NETO1: variants seen among roughly 807,000 people sequenced by gnomAD.
NETO1 encodes the protein neuropilin and tolloid like 1.
NETO1 carries 26 observed loss-of-function variants against 61.3 expected under a neutral mutation model. That is an observed-to-expected ratio of 0.42 (90% confidence interval 0.31 to 0.59). The LOEUF is 0.59. Among genes scored for constraint, NETO1 ranks in the 20% least tolerant of loss-of-function variants. The pLI is 0.12. For missense variants in NETO1, 531 were observed against 662.8 expected (o/e 0.80, Z 2.18); for synonymous variants, 225 against 225.8 (o/e 1.00, Z 0.03).
intron 7 of NETO1, among the ~76,000 whole-genome samples, chr18:72,774,632 C>T (rs1046931267): frequency 1.3e-5 from 2 of 152,040 alleles, no homozygotes; most frequent in Non-Finnish European, 2.9e-5. Context: ...AATTCTTTAT[C>T]GCAAATATGT....
intron 6 of NETO1, among the ~76,000 whole-genome samples, chr18:72,787,232 A>C (rs1598995567): frequency 6.6e-6 from 1 of 151,434 alleles, no homozygotes; most frequent in South Asian, 2.1e-4. Flanking sequence ...CAACAAGTTA[A>C]TCAGCTCTCA....
intron 4 of NETO1, among the ~76,000 whole-genome samples, chr18:72,803,872 C>A (rs1215689901): frequency 5.3e-5 from 8 of 151,654 alleles, no homozygotes; most frequent in Admixed American, 5.3e-4. Flanking sequence ...ACATATATAT[C>A]TCTGTTAGAC....
intron 9 of NETO1, among the ~76,000 whole-genome samples, chr18:72,749,821 G>A (rs1236231158): frequency 6.6e-6 from 1 of 151,820 alleles, no homozygotes; most frequent in Non-Finnish European, 1.5e-5. Context: ...AATAAATAAA[G>A]TATCTTTGGT....
rs1175964722 is a variant in NETO1 at position 72,746,164 on chromosome 18, T to A, written c.*2015A>T. ...TTCACCTAACTTATTTCACTATTTTTATTGCTGTTACAAATAAAAAATCTT... is the reference window on the plus strand; with the variant it reads ...TTCACCTAACTTATTTCACTATTTTAATTGCTGTTACAAATAAAAAATCTT... On this transcript the variant is annotated 3_prime_UTR_variant, in exon 11 of 11. Coordinates refer to ENST00000327305, the MANE Select transcript of NETO1 (RefSeq NM_138966.5). 6.6e-6 allele frequency among the ~76,000 whole-genome samples: 1 copy of A among 152,208 alleles called. No individual in the cohort carries two copies. The highest frequency in any genetic ancestry group is 1.5e-5 in the Non-Finnish European group (1 of 68,038).
intron 4 of NETO1, among the ~76,000 whole-genome samples, chr18:72,813,473 G>A (rs1367788731): frequency 1.3e-5 from 2 of 152,118 alleles, no homozygotes; most frequent in Non-Finnish European, 1.5e-5. Flanking sequence ...GAGAAGAAAT[G>A]AATCTTGAAA....
chr18:72,796,812 G>A (rs952522579), intron 4 of NETO1, among the ~76,000 whole-genome samples: 5 of 152,028 alleles, frequency 3.3e-5, no homozygotes, highest in South Asian at 2.1e-4. Context: ...AAAAAAAACT[G>A]TAAGCAATCT....
intron 5 of NETO1, 21 bp from the exon 6 acceptor site, chr18:72,794,265 C>G (rs756471367): frequency 2.5e-6 from 4 of 1,613,966 alleles, no homozygotes; most frequent in Non-Finnish European, 3.4e-6. Context: ...AAATGCCAAA[C>G]AAACACACAA....
chr18:72,806,050 G>C (rs542941801), intron 4 of NETO1, among the ~76,000 whole-genome samples: 1 of 152,246 alleles, frequency 6.6e-6, no homozygotes, highest in South Asian at 2.1e-4. Flanking sequence ...CAGGAAACAA[G>C]TATTTGTGTA....
rs1172565808 is a variant in NETO1, at chr18:72,858,948, C to T, written c.347G>A (p.Arg116His). The T allele has an allele frequency of 4.3e-6, 7 of 1,613,790 alleles. No individual in the cohort carries two copies. The highest frequency in any genetic ancestry group is 2.2e-5 in the South Asian group (2 of 91,070). Residue 116 changes from arginine (R) to histidine (H), a missense_variant, in exon 4 of 11, where the codon CGT becomes CAT. By Grantham distance (29) the Arg-to-His change is conservative (BLOSUM62 0). Coordinates refer to ENST00000327305, the MANE Select transcript of NETO1 (RefSeq NM_138966.5). Reference sequence around the variant, plus strand: ...AGGTGGATTTTGTTGTCCACAGAAACGTCCAATTATTGGAGAAAAGCCAAA... The same window carrying T: ...AGGTGGATTTTGTTGTCCACAGAAATGTCCAATTATTGGAGAAAAGCCAAA... ...GPFGFSPIIGRFCGQQNPPVI... is the reference protein window; with the variant it reads ...GPFGFSPIIGHFCGQQNPPVI...
intron 3 of NETO1, among the ~76,000 whole-genome samples, chr18:72,863,271 C>T (rs1221748498): frequency 6.6e-6 from 1 of 152,208 alleles, no homozygotes; most frequent in Admixed American, 6.5e-5. Context: ...TATCATAGCT[C>T]TGAACTTCCG....
intron 4 of NETO1, among the ~76,000 whole-genome samples, chr18:72,821,897 G>T (rs139869226): frequency 5.3e-4 from 81 of 152,258 alleles, no homozygotes; most frequent in African/African-American, 1.8e-3. Flanking sequence ...GCCTTCATGG[G>T]ATGTCTTCCT....
chr18:72,851,348 T>C (rs1599156052), intron 4 of NETO1, among the ~76,000 whole-genome samples: 1 of 150,546 alleles, frequency 6.6e-6, no homozygotes, highest in African/African-American at 2.5e-5. Flanking sequence ...GAGAAGGAGG[T>C]TGTGGTGAGC....
chr18:72,833,479 T>A (rs1180521182), intron 4 of NETO1, among the ~76,000 whole-genome samples: 1 of 152,188 alleles, frequency 6.6e-6, no homozygotes, highest in Non-Finnish European at 1.5e-5. Context: ...TTCATTCTAA[T>A]CTGCCCTATT....
rs529803778 is a variant in NETO1, at chr18:72,836,732, C to T, written c.469+22094G>A. On this transcript the variant is annotated intron_variant, in intron 4 of 10. Coordinates refer to ENST00000327305, the MANE Select transcript of NETO1 (RefSeq NM_138966.5). ...ACAGACAGGGATGAGAGTGTTAAAGCCCTTGATTGTCATGGTAAGAAACGG... is the reference window on the plus strand; with the variant it reads ...ACAGACAGGGATGAGAGTGTTAAAGTCCTTGATTGTCATGGTAAGAAACGG... Among the ~76,000 whole-genome samples, 13 of 152,208 alleles carry T rather than the reference C, an allele frequency of 8.5e-5. No homozygotes were observed. In the South Asian group the frequency reaches 2.5e-3, roughly 29 times the overall value.
In NETO1 at chr18:72,745,911, T is replaced by A. The variant is rs1197493902; in HGVS notation, c.*2268A>T. ...TTAGAGTTATCACTGAGGAGGCCTG[T>A]TCTTCATTTAAAATACAGTTGTTTT... On this transcript the variant is annotated 3_prime_UTR_variant, in exon 11 of 11. Coordinates refer to ENST00000327305, the MANE Select transcript of NETO1 (RefSeq NM_138966.5). 1 of 152,236 alleles carries A rather than the reference T, an allele frequency of 6.6e-6. No homozygotes were observed. The allele number at this position is 152,236 out of a possible 1,614,324, so 9.4% of individuals were successfully genotyped here.
At chr18:72,848,899 A>G (rs1363106538) in intron 4 of NETO1, among the ~76,000 whole-genome samples, 1 of 152,224 alleles carries the variant, frequency 6.6e-6, no homozygotes, top group Non-Finnish European at 1.5e-5. Context: ...ATTCTCAAGA[A>G]CCATGTGTGT....
intron 7 of NETO1, among the ~76,000 whole-genome samples, chr18:72,765,227 T>C (rs7226555): frequency 0.77 from 116,778 of 151,980 alleles, 45,495 homozygotes; most frequent in African/African-American, 0.9. Flanking sequence ...CACCAGGTCA[T>C]CCTGCCCTCA....
chr18:72,822,872 T>C (rs1365253892), intron 4 of NETO1, among the ~76,000 whole-genome samples: 1 of 152,178 alleles, frequency 6.6e-6, no homozygotes, highest in Non-Finnish European at 1.5e-5. Flanking sequence ...GGGAGAGGCA[T>C]ATACATGTGT....
At chr18:72,828,641 T>A (rs28505076) in intron 4 of NETO1, among the ~76,000 whole-genome samples, 6,510 of 152,238 alleles carry the variant, frequency 0.043, 235 homozygotes, top group African/African-American at 0.081. Context: ...GTATAATGTA[T>A]TCTACAAAAG....
Sources: allele counts gnomAD v4.1 joint callset (sites outside exome capture counted in the v4.1 genomes callset), GRCh38; gene constraint gnomAD v4.1.1; transcripts MANE v1.5; gene names NCBI Gene and HGNC (gene_info 2026-07-23, HGNC 2026-07-21).